ZNF695: variants seen among roughly 807,000 people sequenced by gnomAD.
ZNF695 encodes zinc finger protein SBZF3.
Under a neutral mutation model 11.2 loss-of-function variants are expected in ZNF695, and 11 were observed. The ratio of observed to expected loss-of-function variants is 0.98; its 90% confidence interval spans 0.62 to 1.62. The LOEUF is 1.62. Ranked by LOEUF, ZNF695 falls within the 40% of genes most tolerant of loss-of-function variation. The pLI is 0.00. For synonymous variants in ZNF695, 190 were observed against 201.4 expected, an observed-to-expected ratio of 0.94 and a Z score of 0.48; for missense variants, 559 against 590.5, an observed-to-expected ratio of 0.95 and a Z score of 0.55.
At chr1:246,994,157 A>G (rs1212253579) in intron 3 of ZNF695, among the ~76,000 whole-genome samples, 2 of 152,238 alleles carry the variant, frequency 1.3e-5, no homozygotes, top group Admixed American at 1.3e-4. Context: ...ATATAAAAAG[A>G]TATGATCAAT....
intron 3 of ZNF695, among the ~76,000 whole-genome samples, chr1:246,989,919 G>A (rs1668976077): frequency 6.6e-6 from 1 of 151,988 alleles, no homozygotes; most frequent in Non-Finnish European, 1.5e-5. Context: ...GAGGATTGCT[G>A]GAGCCTGGGA....
At chr1:246,995,151 C>T (rs973386807) in intron 3 of ZNF695, among the ~76,000 whole-genome samples, 3 of 152,160 alleles carry the variant, frequency 2.0e-5, no homozygotes, top group African/African-American at 7.2e-5. Context: ...AAAACATTCT[C>T]CTTGACAGAC....
chr1:246,999,543 A>G, intron 2 of ZNF695, 103 bp from the exon 3 acceptor site: 1 of 884,178 alleles, frequency 1.1e-6, no homozygotes, highest in Non-Finnish European at 1.7e-6. Flanking sequence ...ATCCTAGAAA[A>G]TTAACTCCAA....
intron 5 of ZNF695, among the ~76,000 whole-genome samples, chr1:246,953,319 C>A (rs1261442455): frequency 6.6e-6 from 1 of 152,038 alleles, no homozygotes; most frequent in Non-Finnish European, 1.5e-5. Flanking sequence ...TACAGAATAA[C>A]CTCAGTAATA....
intron 5 of ZNF695, among the ~76,000 whole-genome samples, chr1:246,958,975 C>G (rs1274125930): frequency 6.6e-6 from 1 of 151,802 alleles, no homozygotes; most frequent in African/African-American, 2.4e-5. Flanking sequence ...CCTTACTCTC[C>G]TCAGATGTCA....
intron 3 of ZNF695, chr1:246,996,270 A>C (rs935156190): frequency 1.1e-5 from 3 of 272,060 alleles, no homozygotes. Context: ...ATGGGAGATC[A>C]CTTGAATCTG....
intron 4 of ZNF695, among the ~76,000 whole-genome samples, chr1:246,977,819 G>A (rs1378505578): frequency 6.6e-6 from 1 of 152,202 alleles, no homozygotes; most frequent in African/African-American, 2.4e-5. Flanking sequence ...ACCTTATAGT[G>A]TGCCAGTTTC....
At position 246,946,864 on chromosome 1, in the gene ZNF695, G is replaced by A. The variant is rs138469180; in HGVS notation, c.489-1037C>T. ...TGAACATGAAATCAAAGAGTAGGCT[G>A]TGCGCGGTGGCACACGCCTGTAATC... On this transcript the variant is annotated intron_variant, in intron 5 of 5. Coordinates refer to the ZNF695 transcript ENST00000487338. Among the ~76,000 whole-genome samples, 846 of 152,296 alleles carry A rather than the reference G, an allele frequency of 5.6e-3. 6 individuals carry two copies. The highest frequency in any genetic ancestry group is 0.018 in the South Asian group (87 of 4,824).
At chr1:246,949,017 C>T (rs918066178) in intron 5 of ZNF695, among the ~76,000 whole-genome samples, 2 of 152,098 alleles carry the variant, frequency 1.3e-5, no homozygotes, top group Admixed American at 6.6e-5. Flanking sequence ...TGCACTTCAA[C>T]AGCATTGAGG....
chr1:246,952,548 T>C (rs1475863993), intron 5 of ZNF695, among the ~76,000 whole-genome samples: 1 of 116,908 alleles, frequency 8.6e-6, no homozygotes, highest in Non-Finnish European at 1.6e-5. Context: ...TTCTTCTTCT[T>C]CTTTTTTTTT....
chr1:246,945,604 A>G (rs907339257), downstream of ZNF695: 1 of 589,832 alleles, frequency 1.7e-6, no homozygotes, highest in East Asian at 2.9e-5. Flanking sequence ...GAAAAGGGAA[A>G]AAAAGAGATA....
chr1:246,952,058 C>G (rs1305054774), intron 5 of ZNF695, among the ~76,000 whole-genome samples: 1 of 152,186 alleles, frequency 6.6e-6, no homozygotes, highest in South Asian at 2.1e-4. Context: ...AGGCGATTCT[C>G]CCACCTCAGC....
rs765108739 is a variant in ZNF695, at chr1:247,000,090, T to C, written c.4-16A>G. ...CCAATAGTCCCTGAAAAAGAAAACA[T>C]ATTTACCAAGTGGTCACGGCAGAGT... On this transcript the variant is annotated splice_polypyrimidine_tract_variant and intron_variant, in intron 1 of 3. Coordinates refer to ENST00000339986, the MANE Select transcript of ZNF695 (RefSeq NM_020394.5). The C allele has an allele frequency of 1.3e-6, 2 of 1,594,084 alleles. No individual in the cohort carries two copies. Among genetic ancestry groups the C allele is most frequent in the South Asian group, 2.3e-5 (2 of 87,888 alleles).
Position 246,986,357 on chromosome 1 carries a change from C to G in ZNF695, c.*610G>C. ...TGCAGCAACTATAGGAAAGAGCCAC[C>G]GTGCCTGGCACCAAAAGGTATACTT... On this transcript the variant is annotated 3_prime_UTR_variant, in exon 4 of 4. Transcript: ENST00000339986. 6 of 985,220 alleles carry G rather than the reference C, an allele frequency of 6.1e-6. No individual in the cohort carries two copies. The highest frequency in any genetic ancestry group is 4.8e-6 in the Non-Finnish European group (4 of 829,756). The allele number at this position is 985,220 out of a possible 1,614,324, so 61.0% of individuals were successfully genotyped here.
chr1:246,956,230 G>A (rs1043722921), intron 5 of ZNF695, among the ~76,000 whole-genome samples: 2 of 150,914 alleles, frequency 1.3e-5, no homozygotes, highest in East Asian at 2.0e-4. Flanking sequence ...CCTCGTGATC[G>A]ACCAGCCTCG....
At chr1:246,995,761 C>T (rs766050481) in intron 3 of ZNF695, among the ~76,000 whole-genome samples, 13 of 140,214 alleles carry the variant, frequency 9.3e-5, no homozygotes, top group Admixed American at 5.5e-4. Context: ...TGCAGTGAGC[C>T]GAGATCGCAC....
chr1:246,984,681 T>C (rs546347475), downstream of ZNF695, among the ~76,000 whole-genome samples: 64 of 152,190 alleles, frequency 4.2e-4, no homozygotes, highest in Non-Finnish European at 7.2e-4. Context: ...CTCAATTAAG[T>C]GAAAGAAACA....
intron 1 of ZNF695, among the ~76,000 whole-genome samples, chr1:247,002,873 C>T (rs541425642): frequency 5.9e-5 from 9 of 152,110 alleles, no homozygotes; most frequent in Admixed American, 2.6e-4. Flanking sequence ...GAAAAAAGTT[C>T]GACATCACTA....
Position 246,957,542 on chromosome 1 carries a change from C to T in ZNF695, c.488+10153G>A, listed in dbSNP as rs188028442. On this transcript the variant is annotated intron_variant, in intron 5 of 5. Transcript: ENST00000487338. ...TTTTCATCTTTTTCTAAATTTTCCACGTGAGCAGATATTTATAATAAAATA... is the reference window on the plus strand; with the variant it reads ...TTTTCATCTTTTTCTAAATTTTCCATGTGAGCAGATATTTATAATAAAATA... Among the ~76,000 whole-genome samples, 8 of 152,198 alleles carry T rather than the reference C, an allele frequency of 5.3e-5. No homozygotes were observed. The East Asian group carries it at 9.6e-4, about 18-fold the overall frequency.
Sources: allele counts gnomAD v4.1 joint callset (sites outside exome capture counted in the v4.1 genomes callset), GRCh38; gene constraint gnomAD v4.1.1; transcripts MANE v1.5; gene names NCBI Gene and HGNC (gene_info 2026-07-23, HGNC 2026-07-21).